The following PHACTR4 variants were observed in gnomAD, a reference collection of about 807,000 sequenced individuals.
PHACTR4 encodes the protein protein phosphatase 1, regulatory subunit 124.
In PHACTR4, 51 loss-of-function variants were observed where a neutral mutation model predicts 72.7. That is an observed-to-expected ratio of 0.70 (90% CI 0.56 to 0.89). The LOEUF is 0.89. Ranked by LOEUF, PHACTR4 falls within the 40% of genes least tolerant of loss-of-function variation. PHACTR4 has a pLI of 0.00. For synonymous variants in PHACTR4, 255 were observed against 302.5 expected (o/e 0.84, Z 1.63); for missense variants, 731 against 861.8 (o/e 0.85, Z 1.90).
At chr1:28,434,204 A>C (rs1656480566) in intron 2 of PHACTR4, among the ~76,000 whole-genome samples, 1 of 152,184 alleles carries the variant, frequency 6.6e-6, no homozygotes, top group Middle Eastern at 3.2e-3. Context: ...AGTCAGACTA[A>C]GGATACCTGG....
chr1:28,403,109 C>G (rs1413322265), intron 1 of PHACTR4, among the ~76,000 whole-genome samples: 3 of 152,062 alleles, frequency 2.0e-5, no homozygotes, highest in Non-Finnish European at 2.9e-5. Flanking sequence ...GAGTACTGTC[C>G]TAGGTTGGGT....
intron 2 of PHACTR4, among the ~76,000 whole-genome samples, chr1:28,413,030 T>G (rs1654883585): frequency 6.6e-6 from 1 of 152,072 alleles, no homozygotes; most frequent in African/African-American, 2.4e-5. Context: ...GATCAGTGAT[T>G]AGGTGGAACA....
At chr1:28,386,843 A>G (rs1295634656) in intron 1 of PHACTR4, among the ~76,000 whole-genome samples, 1 of 152,186 alleles carries the variant, frequency 6.6e-6, no homozygotes, top group Admixed American at 6.5e-5. Context: ...ATAGTGAAGT[A>G]TCTTTCTTAC....
intron 2 of PHACTR4, among the ~76,000 whole-genome samples, chr1:28,408,565 A>G (rs1201933691): frequency 6.6e-6 from 1 of 152,190 alleles, no homozygotes; most frequent in Non-Finnish European, 1.5e-5. Flanking sequence ...TCTTAAAAGA[A>G]AAGAAAAGAG....
At chr1:28,444,569 C>T (rs1481535018) in intron 2 of PHACTR4, among the ~76,000 whole-genome samples, 2 of 151,070 alleles carry the variant, frequency 1.3e-5, no homozygotes. Context: ...AATGTCTCTT[C>T]AGATCATTTG....
chr1:28,426,588 C>T (rs1031503033), intron 2 of PHACTR4, among the ~76,000 whole-genome samples: 6 of 151,940 alleles, frequency 3.9e-5, no homozygotes, highest in Admixed American at 1.3e-4. Context: ...GGCGTGAACC[C>T]GGGAGGCGGA....
intron 8 of PHACTR4, among the ~76,000 whole-genome samples, chr1:28,476,772 CTTTTT>C (rs35369238): frequency 1.0e-5 from 1 of 98,438 alleles, no homozygotes; most frequent in Non-Finnish European, 2.0e-5. Context: ...CTAGCCTGTT[CTTTTT>C]TTTTTTTTTT....
chr1:28,448,286 C>T (rs1291156773), intron 2 of PHACTR4, among the ~76,000 whole-genome samples: 4 of 151,638 alleles, frequency 2.6e-5, no homozygotes, highest in East Asian at 3.9e-4. Context: ...GAGGTCGAAG[C>T]GGATAGATCA....
chr1:28,393,289 T>C (rs1373641589), intron 1 of PHACTR4, among the ~76,000 whole-genome samples: 1 of 152,202 alleles, frequency 6.6e-6, no homozygotes, highest in African/African-American at 2.4e-5. Flanking sequence ...GGACAACATC[T>C]TTATATACTT....
At chr1:28,487,726 T>G (rs1660773790) in intron 9 of PHACTR4, among the ~76,000 whole-genome samples, 1 of 110,444 alleles carries the variant, frequency 9.1e-6, no homozygotes, top group African/African-American at 4.2e-5. Flanking sequence ...AGTTTTTTGT[T>G]GTTTTTTTTT....
At chr1:28,417,704 A>G (rs1191700375) in intron 2 of PHACTR4, among the ~76,000 whole-genome samples, 1 of 152,208 alleles carries the variant, frequency 6.6e-6, no homozygotes, top group African/African-American at 2.4e-5. Flanking sequence ...AGTAACTGAA[A>G]CTGCAGAAAG....
chr1:28,380,150 A>C (rs1204148354), intron 1 of PHACTR4, among the ~76,000 whole-genome samples: 1 of 128,630 alleles, frequency 7.8e-6, no homozygotes, highest in South Asian at 2.4e-4. Flanking sequence ...TCCGCCTCCC[A>C]GGTTCACGCC....
At chr1:28,406,852 C>G (rs1654364827) in intron 1 of PHACTR4, among the ~76,000 whole-genome samples, 1 of 152,130 alleles carries the variant, frequency 6.6e-6, no homozygotes, top group Admixed American at 6.6e-5. Context: ...GATAAACTTA[C>G]AGCTTACTGA....
intron 2 of PHACTR4, among the ~76,000 whole-genome samples, chr1:28,450,974 C>CTTTTTTGTTTTTTT (rs1657915167): frequency 1.4e-5 from 1 of 72,076 alleles, no homozygotes; most frequent in African/African-American, 6.8e-5. Flanking sequence ...CCACACCCAG[C>CTTTTTTGTTTTTTT]TTTTTTTTTT....
intron 1 of PHACTR4, among the ~76,000 whole-genome samples, chr1:28,383,242 G>A (rs930609490): frequency 6.6e-6 from 1 of 152,158 alleles, no homozygotes; most frequent in Non-Finnish European, 1.5e-5. Context: ...CCAGTACCAT[G>A]CTGTATTGGT....
intron 2 of PHACTR4, chr1:28,454,072 T>A (rs1658183732): frequency 7.0e-6 from 2 of 283,798 alleles, no homozygotes; most frequent in East Asian, 8.7e-5. Flanking sequence ...ATTTTTTTTT[T>A]AATTAGCCAG....
intron 2 of PHACTR4, among the ~76,000 whole-genome samples, chr1:28,436,109 A>G (rs1025462303): frequency 4.6e-5 from 7 of 152,196 alleles, no homozygotes; most frequent in African/African-American, 1.7e-4. Flanking sequence ...TATCAAAAGC[A>G]GATAATGGGG....
intron 2 of PHACTR4, among the ~76,000 whole-genome samples, chr1:28,454,270 CTTTT>C (rs945039969): frequency 8.4e-5 from 8 of 95,084 alleles, no homozygotes; most frequent in African/African-American, 1.3e-4. Flanking sequence ...ATCACTTTGT[CTTTT>C]TTTTTTTTTT....
intron 1 of PHACTR4, among the ~76,000 whole-genome samples, chr1:28,398,050 T>C (rs1653655740): frequency 6.6e-6 from 1 of 152,144 alleles, no homozygotes; most frequent in South Asian, 2.1e-4. Context: ...TAGCCTGCAG[T>C]ACATGCTTCT....
Sources: gnomAD v4.1 joint callset for allele counts (sites outside exome capture counted in the v4.1 genomes callset) on GRCh38, gnomAD v4.1.1 for gene constraint, MANE v1.5 for transcripts, NCBI Gene and HGNC (gene_info 2026-07-23, HGNC 2026-07-21) for gene names.